CXCL13: variants seen among roughly 807,000 people sequenced by gnomAD.
CXCL13 encodes C-X-C motif chemokine ligand 13.
Under a neutral mutation model 12.2 loss-of-function variants are expected in CXCL13, and 7 were observed. The ratio of observed to expected loss-of-function variants is 0.57; its 90% CI spans 0.33 to 1.07. The LOEUF (loss-of-function observed/expected upper bound fraction) is 1.07. Ranked by LOEUF, CXCL13 falls within the 50% of genes least tolerant of loss-of-function variation. The probability of loss-of-function intolerance (pLI) is 0.04; values close to 1 mark genes in which losing one functional copy is unlikely to be tolerated. For missense variants in CXCL13, 113 were observed against 127.4 expected (o/e 0.89, Z 0.55); for synonymous variants, 47 against 42.4 (o/e 1.11, Z -0.42).
intron 1 of CXCL13, among the ~76,000 whole-genome samples, chr4:77,597,972 AG>A (rs1288917861): frequency 6.6e-6 from 1 of 152,226 alleles, no homozygotes; most frequent in Non-Finnish European, 1.5e-5. Context: ...AAAGCAGCAG[AG>A]TGCTTGATGT....
intron 1 of CXCL13, among the ~76,000 whole-genome samples, chr4:77,537,258 G>T (rs1219805005): frequency 1.3e-5 from 2 of 152,168 alleles, no homozygotes; most frequent in Non-Finnish European, 2.9e-5. Context: ...CAGAGTCATT[G>T]GCTAAACCTG....
intron 2 of CXCL13, among the ~76,000 whole-genome samples, chr4:77,608,249 T>C (rs1727042331): frequency 6.6e-6 from 1 of 152,120 alleles, no homozygotes; most frequent in South Asian, 2.1e-4. Context: ...GAGACCAGCC[T>C]GACCAACATG....
intron 1 of CXCL13, among the ~76,000 whole-genome samples, chr4:77,548,776 T>A (rs1578048709): frequency 1.3e-5 from 2 of 152,196 alleles, no homozygotes; most frequent in African/African-American, 4.8e-5. Context: ...CATTTTTTCC[T>A]TCATTTCAAC....
chr4:77,578,910 C>A (rs1726253108), intron 1 of CXCL13, among the ~76,000 whole-genome samples: 1 of 152,186 alleles, frequency 6.6e-6, no homozygotes, highest in South Asian at 2.1e-4. Flanking sequence ...CTGAATATGG[C>A]TTGATAACTA....
intron 1 of CXCL13, among the ~76,000 whole-genome samples, chr4:77,584,571 A>G (rs1726408800): frequency 6.6e-6 from 1 of 152,232 alleles, no homozygotes; most frequent in Non-Finnish European, 1.5e-5. Flanking sequence ...CTTAGAAGAG[A>G]CATTTTTAAC....
chr4:77,521,140 C>T (rs911215925), intron 1 of CXCL13, among the ~76,000 whole-genome samples: 1 of 152,136 alleles, frequency 6.6e-6, no homozygotes, highest in Non-Finnish European at 1.5e-5. Flanking sequence ...TGAGGATTTT[C>T]ACACGGGTGT....
chr4:77,545,148 A>G (rs1725322660), intron 1 of CXCL13, among the ~76,000 whole-genome samples: 1 of 152,138 alleles, frequency 6.6e-6, no homozygotes, highest in African/African-American at 2.4e-5. Flanking sequence ...TGGTTACTGT[A>G]GCCTTGTAAT....
At position 77,592,654 on chromosome 4, in the gene CXCL13, A is replaced by T. The variant is rs572677402; in HGVS notation, c.-42-13170A>T. On this transcript the variant is annotated intron_variant, in intron 1 of 4. Transcript: ENST00000286758. ...TTGAAAGGACATTGGACAGCTCATG[A>T]AATCCCTGGCAAGGCTGAAGGACTG... 2.6e-5 allele frequency among the ~76,000 whole-genome samples: 4 copies of T among 152,330 alleles called. No individual in the cohort carries two copies. The South Asian group carries it at 8.3e-4, about 32-fold the overall frequency.
At chr4:77,607,987 T>C in intron 2 of CXCL13, 152 bp downstream of exon 2, 2 of 823,690 alleles carry the variant, frequency 2.4e-6, no homozygotes, top group South Asian at 1.8e-5. Context: ...TGTTAATAAT[T>C]AAGAGCTTAG....
At chr4:77,515,749 G>A (rs574387805) in intron 1 of CXCL13, among the ~76,000 whole-genome samples, 1 of 152,322 alleles carries the variant, frequency 6.6e-6, no homozygotes, top group South Asian at 2.1e-4. Flanking sequence ...CATGTCATCT[G>A]CCAACAGGGA....
chr4:77,585,914 A>G (rs1726445611), intron 1 of CXCL13, among the ~76,000 whole-genome samples: 2 of 152,206 alleles, frequency 1.3e-5, no homozygotes, highest in Admixed American at 1.3e-4. Flanking sequence ...CACAAAGATA[A>G]TTCAGACCTA....
intron 1 of CXCL13, among the ~76,000 whole-genome samples, chr4:77,600,224 G>T (rs1726858043): frequency 6.6e-6 from 1 of 151,982 alleles, no homozygotes; most frequent in Non-Finnish European, 1.5e-5. Flanking sequence ...AAACTTGAAG[G>T]ACTGGGAAGA....
chr4:77,571,472 C>A (rs1726077749), intron 1 of CXCL13, among the ~76,000 whole-genome samples: 1 of 151,744 alleles, frequency 6.6e-6, no homozygotes, highest in Admixed American at 6.6e-5. Flanking sequence ...CCAATCAGCA[C>A]CCTGTGTTTA....
chr4:77,569,100 A>G (rs1726004780), intron 1 of CXCL13, among the ~76,000 whole-genome samples: 1 of 152,202 alleles, frequency 6.6e-6, no homozygotes. Context: ...TTAGCTAGGT[A>G]CTGAAGGAAC....
chr4:77,523,621 T>C (rs1368575691), intron 1 of CXCL13, among the ~76,000 whole-genome samples: 1 of 152,222 alleles, frequency 6.6e-6, no homozygotes, highest in African/African-American at 2.4e-5. Context: ...CTAACTTTTT[T>C]CACGGTTTTC....
At chr4:77,583,207 G>T (rs1275571510) in intron 1 of CXCL13, among the ~76,000 whole-genome samples, 2 of 152,172 alleles carry the variant, frequency 1.3e-5, no homozygotes, top group African/African-American at 2.4e-5. Flanking sequence ...ATTGCTCTTA[G>T]GGCTTATTTT....
chr4:77,592,007 C>A (rs1362117400), intron 1 of CXCL13, among the ~76,000 whole-genome samples: 1 of 152,152 alleles, frequency 6.6e-6, no homozygotes, highest in African/African-American at 2.4e-5. Flanking sequence ...GAAGCAACAC[C>A]AAAAACATTT....
chr4:77,583,564 G>A (rs1334495039), intron 1 of CXCL13, among the ~76,000 whole-genome samples: 1 of 152,158 alleles, frequency 6.6e-6, no homozygotes, highest in Non-Finnish European at 1.5e-5. Context: ...GTCAATGTGG[G>A]CCTTCTTGTG....
At chr4:77,516,496 G>T (rs1724423533) in intron 1 of CXCL13, among the ~76,000 whole-genome samples, 1 of 152,176 alleles carries the variant, frequency 6.6e-6, no homozygotes, top group Admixed American at 6.5e-5. Context: ...CCTGTTATTG[G>T]TCTATTCAGA....
Sources: gnomAD v4.1 joint callset for allele counts (sites outside exome capture counted in the v4.1 genomes callset) on GRCh38, gnomAD v4.1.1 for gene constraint, MANE v1.5 for transcripts, NCBI Gene and HGNC (gene_info 2026-07-23, HGNC 2026-07-21) for gene names.